PDLIM5: variants seen among roughly 807,000 people sequenced by gnomAD.
PDLIM5 encodes PDZ and LIM domain protein 5.
PDLIM5 carries 34 observed loss-of-function variants against 64.2 expected under a neutral mutation model. The ratio of observed to expected loss-of-function variants is 0.53; its 90% CI spans 0.40 to 0.71. The LOEUF (loss-of-function observed/expected upper bound fraction) is 0.71, where lower values mean the gene tolerates loss of function less well. PDLIM5 is among the 30% of genes least tolerant of loss of function. PDLIM5 has a pLI of 0.00. For synonymous variants in PDLIM5, 253 were observed against 269.1 expected, an observed-to-expected ratio of 0.94 and a Z score of 0.59; for missense variants, 683 against 733.6, an observed-to-expected ratio of 0.93 and a Z score of 0.80.
In PDLIM5 at chr4:94,662,545, G is replaced by A. The variant is rs755780240; in HGVS notation, c.1701+8G>A. On this transcript the variant is annotated splice_region_variant and intron_variant, in intron 12 of 12. Transcript: ENST00000317968. The stretch of plus-strand genomic sequence containing the variant: ...ACTTGCTTTGTATGCTCAGTAAGTA[G>A]AGTCTTATTTCCTAATTAAAGGGGT... 2.3e-5 allele frequency: 31 copies of A among 1,368,946 alleles called. No individual in the cohort carries two copies. Among genetic ancestry groups the A allele is most frequent in the Non-Finnish European group, 3.2e-5 (31 of 956,432 alleles). 84.8% of individuals were successfully genotyped at this position (1,368,946 alleles called of 1,614,324 possible).
chr4:94,541,095 C>G (rs1401908714), intron 3 of PDLIM5, among the ~76,000 whole-genome samples: 2 of 152,182 alleles, frequency 1.3e-5, no homozygotes, highest in South Asian at 4.1e-4. Flanking sequence ...GTGAGATCCC[C>G]AGCTTCCTGG....
At chr4:94,655,872 T>G (rs2110492314) in intron 10 of PDLIM5, among the ~76,000 whole-genome samples, 1 of 152,300 alleles carries the variant, frequency 6.6e-6, no homozygotes, top group Non-Finnish European at 1.5e-5. Context: ...AAGATTTCTC[T>G]CAAGGATGGA....
chr4:94,577,435 C>G (rs762385237), intron 5 of PDLIM5: 2 of 451,210 alleles, frequency 4.4e-6, no homozygotes, highest in South Asian at 3.1e-5. Context: ...TACATACGGT[C>G]TTGAGGTTGT....
At chr4:94,585,333 G>A (rs1265625486) in intron 5 of PDLIM5, among the ~76,000 whole-genome samples, 2 of 151,874 alleles carry the variant, frequency 1.3e-5, no homozygotes, top group Non-Finnish European at 1.5e-5. Context: ...CTCATGATCC[G>A]CCCACCTCAG....
intron 5 of PDLIM5, among the ~76,000 whole-genome samples, chr4:94,577,716 C>T (rs1735415261): frequency 6.6e-6 from 1 of 151,354 alleles, no homozygotes; most frequent in Admixed American, 6.6e-5. Context: ...AGAAGTTTAC[C>T]ATGTTTATTA....
intron 3 of PDLIM5, among the ~76,000 whole-genome samples, chr4:94,559,323 C>T (rs1733637166): frequency 1.3e-5 from 2 of 152,100 alleles, no homozygotes; most frequent in Admixed American, 1.3e-4. Context: ...GCTATTTTTA[C>T]AAGGCTGCTC....
intron 2 of PDLIM5, among the ~76,000 whole-genome samples, chr4:94,491,046 G>A (rs60191671): frequency 0.2 from 30,131 of 152,104 alleles, 6,509 homozygotes; most frequent in African/African-American, 0.55. Context: ...TTCCCACTGG[G>A]AATTTTCATA....
chr4:94,493,883 C>T (rs956006284), intron 2 of PDLIM5, among the ~76,000 whole-genome samples: 1 of 152,176 alleles, frequency 6.6e-6, no homozygotes, highest in African/African-American at 2.4e-5. Flanking sequence ...ACGTACTTGA[C>T]TCCAGACTAC....
chr4:94,530,543 A>G (rs953346988), intron 3 of PDLIM5, among the ~76,000 whole-genome samples: 1 of 105,498 alleles, frequency 9.5e-6, no homozygotes, highest in Non-Finnish European at 2.1e-5. Flanking sequence ...ATATATATAT[A>G]TATAGTTTTT....
intron 3 of PDLIM5, among the ~76,000 whole-genome samples, chr4:94,532,459 G>C (rs1007514979): frequency 4.6e-5 from 7 of 152,146 alleles, no homozygotes; most frequent in African/African-American, 1.4e-4. Context: ...GGGCAGGGAG[G>C]AGGAGGTAAC....
chr4:94,561,443 C>T (rs767862473), intron 3 of PDLIM5, among the ~76,000 whole-genome samples: 16 of 152,154 alleles, frequency 1.1e-4, no homozygotes, highest in East Asian at 3.8e-4. Context: ...CTGGGAGAAA[C>T]GGATCATTAT....
chr4:94,662,444 T>A lies in PDLIM5; in HGVS notation c.1608T>A (p.Thr536=), dbSNP rs148074454. ...CETDYYALFG[T]ICHGCEFPIE... Reference sequence around the variant, plus strand: ...CAGATTATTATGCCCTCTTTGGTACTATATGCCATGGATGTGAATTTCCCA... The same window carrying A: ...CAGATTATTATGCCCTCTTTGGTACAATATGCCATGGATGTGAATTTCCCA... Residue 536 remains threonine (T), a synonymous_variant, in exon 12 of 13, where the codon ACT becomes ACA. Coordinates refer to ENST00000317968, the MANE Select transcript of PDLIM5 (RefSeq NM_006457.5). The A allele has an allele frequency of 1.9e-6, 3 of 1,571,702 alleles. No homozygotes were observed. In the South Asian group the frequency reaches 3.3e-5, roughly 17 times the overall value.
intron 3 of PDLIM5, among the ~76,000 whole-genome samples, chr4:94,563,958 C>CTTTTTTTTTTTTTTTTTTTTT (rs796820308): frequency 6.1e-4 from 73 of 119,348 alleles, no homozygotes; most frequent in East Asian, 1.2e-3. Flanking sequence ...TTCTTTCTTT[C>CTTTTTTTTTTTTTTTTTTTTT]TTTTTTTTTT....
intron 5 of PDLIM5, among the ~76,000 whole-genome samples, chr4:94,578,334 A>G (rs1002655649): frequency 5.9e-5 from 9 of 152,202 alleles, no homozygotes; most frequent in African/African-American, 1.9e-4. Context: ...TTCTTAATCA[A>G]TTGGCAGTGT....
intron 8 of PDLIM5, among the ~76,000 whole-genome samples, chr4:94,633,646 C>A (rs1740329873): frequency 6.6e-6 from 1 of 152,116 alleles, no homozygotes; most frequent in African/African-American, 2.4e-5. Context: ...TAAGGACTTA[C>A]TGAGCAATAT....
chr4:94,632,318 C>T (rs966402283), intron 8 of PDLIM5, among the ~76,000 whole-genome samples: 1 of 152,178 alleles, frequency 6.6e-6, no homozygotes. Flanking sequence ...CTTATCCTTT[C>T]AGAAGTTTAT....
intron 2 of PDLIM5, among the ~76,000 whole-genome samples, chr4:94,512,104 T>G (rs1166203097): frequency 6.6e-6 from 1 of 151,974 alleles, no homozygotes; most frequent in African/African-American, 2.4e-5. Flanking sequence ...CACTGCAACG[T>G]CCACCTCCCA....
rs146490891 is a variant in PDLIM5 at position 94,595,857 on chromosome 4, A to G, written c.920+9413A>G. On this transcript the variant is annotated intron_variant, in intron 7 of 12. Transcript: ENST00000317968. ...TGATATTTGCACATATTTTCATGAG[A>G]TAAGAATTAGCAATTGGACTTGCCC... Among the ~76,000 whole-genome samples the G allele has an allele frequency of 1.6e-3, 248 of 152,316 alleles. 1 individual carries two copies. Among genetic ancestry groups the G allele is most frequent in the South Asian group, 8.3e-3 (40 of 4,828 alleles).
At chr4:94,553,929 CTT>C (rs1367902332) in intron 3 of PDLIM5, among the ~76,000 whole-genome samples, 1 of 152,150 alleles carries the variant, frequency 6.6e-6, no homozygotes, top group Non-Finnish European at 1.5e-5. Context: ...TAAAAAATCT[CTT>C]CTTTCACATT....
Sources: allele counts gnomAD v4.1 joint callset (sites outside exome capture counted in the v4.1 genomes callset), GRCh38; gene constraint gnomAD v4.1.1; transcripts MANE v1.5; gene names NCBI Gene and HGNC (gene_info 2026-07-23, HGNC 2026-07-21).